Variants in CFAP69 observed in about 807,000 individuals in gnomAD.
CFAP69 encodes the protein cilia and flagella associated protein 69, also known as cilia- and flagella-associated protein 69.
CFAP69 carries 92 observed loss-of-function variants against 123.0 expected under a neutral mutation model. The observed-to-expected ratio is 0.75, with a 90% CI of 0.63 to 0.89. The LOEUF is 0.89. Among genes scored for constraint, CFAP69 ranks in the 40% least tolerant of loss-of-function variants. The pLI, the probability that CFAP69 is intolerant of heterozygous loss-of-function variation, is 0.00. For synonymous variants in CFAP69, 380 were observed against 364.3 expected, an observed-to-expected ratio of 1.04 and a Z score of -0.49; for missense variants, 1,067 against 1,096.9, an observed-to-expected ratio of 0.97 and a Z score of 0.39.
chr7:90,255,319 AT>A, intron 1 of CFAP69, 103 bp from the exon 2 acceptor site: 1 of 875,486 alleles, frequency 1.1e-6, no homozygotes. Flanking sequence ...GTCATAAAAC[AT>A]TTTTTAAGTT....
At chr7:90,306,872 T>C (rs1793667515) in intron 19 of CFAP69, 29 bp from the exon 20 acceptor site, 7 of 1,334,424 alleles carry the variant, frequency 5.2e-6, no homozygotes, top group African/African-American at 3.0e-5. Flanking sequence ...TTTTGGTTAA[T>C]TTAACTTTGT....
chr7:90,304,189 A>G, intron 18 of CFAP69, 83 bp downstream of exon 18: 1 of 1,417,242 alleles, frequency 7.1e-7, no homozygotes. Flanking sequence ...TTTTTCAAAT[A>G]TAATGAGCAA....
chr7:90,300,432 G>C (rs971492971), intron 17 of CFAP69: 4 of 848,150 alleles, frequency 4.7e-6, no homozygotes, highest in Non-Finnish European at 5.7e-6. Flanking sequence ...ATACATTTCT[G>C]TTCATTTTTC....
intron 3 of CFAP69, among the ~76,000 whole-genome samples, chr7:90,260,951 C>T (rs1798239272): frequency 2.0e-5 from 3 of 152,176 alleles, no homozygotes; most frequent in Admixed American, 1.3e-4. Context: ...ACCCTGCTCT[C>T]CCATCTTTTC....
At chr7:90,276,312 T>A (rs1788601288) in intron 9 of CFAP69, among the ~76,000 whole-genome samples, 1 of 152,246 alleles carries the variant, frequency 6.6e-6, no homozygotes, top group African/African-American at 2.4e-5. Flanking sequence ...GGTAGACCTT[T>A]GTTTCTCTAG....
chr7:90,245,212 C>A lies in CFAP69; in HGVS notation c.-213C>A. 3 of 505,442 alleles carry A rather than the reference C, an allele frequency of 5.9e-6. No individual in the cohort carries two copies. Among genetic ancestry groups the A allele is most frequent in the Non-Finnish European group, 9.6e-6 (3 of 314,018 alleles). 31.3% of individuals were successfully genotyped at this position (505,442 alleles called of 1,614,324 possible). ...CTTGTGTTAACAACCGGCCCGGGATCAGAGGTCTGGGTCAACTGGGGGGCG... is the reference window on the plus strand; with the variant it reads ...CTTGTGTTAACAACCGGCCCGGGATAAGAGGTCTGGGTCAACTGGGGGGCG... On this transcript the variant is annotated 5_prime_UTR_variant, in exon 1 of 23. Coordinates refer to ENST00000389297, the MANE Select transcript of CFAP69 (RefSeq NM_001039706.3).
chr7:90,254,050 C>G (rs1195611280), intron 1 of CFAP69, among the ~76,000 whole-genome samples: 1 of 152,174 alleles, frequency 6.6e-6, no homozygotes, highest in African/African-American at 2.4e-5. Context: ...CATTCTTCTG[C>G]ATATGTCTGT....
Position 90,303,953 on chromosome 7 carries a change from G to T in CFAP69, c.2051-16G>T. ...TTATCTGTCCCTTTTCTATTTTCAT[G>T]CTATCCAATGATTAGATACAAAAAA... On this transcript the variant is annotated splice_polypyrimidine_tract_variant and intron_variant, in intron 17 of 22. Coordinates refer to ENST00000389297, the MANE Select transcript of CFAP69 (RefSeq NM_001039706.3). 1.3e-6 allele frequency: 2 copies of T among 1,534,634 alleles called. No homozygotes were observed. The highest frequency in any genetic ancestry group is 1.8e-6 in the Non-Finnish European group (2 of 1,138,616).
At chr7:90,294,928 A>G (rs1352538193) in intron 15 of CFAP69, among the ~76,000 whole-genome samples, 1 of 152,190 alleles carries the variant, frequency 6.6e-6, no homozygotes, top group Non-Finnish European at 1.5e-5. Context: ...TGCTTTTGGC[A>G]GTGTGGGGAA....
At chr7:90,279,329 G>A (rs369191833) in intron 11 of CFAP69, among the ~76,000 whole-genome samples, 5 of 151,906 alleles carry the variant, frequency 3.3e-5, no homozygotes, top group South Asian at 2.1e-4. Context: ...TTTATTGTAC[G>A]TTAAAGTAAA....
intron 4 of CFAP69, among the ~76,000 whole-genome samples, chr7:90,264,102 AAAATATAT>A (rs1301282600): frequency 2.7e-4 from 9 of 33,822 alleles, no homozygotes; most frequent in South Asian, 9.5e-4. Flanking sequence ...AAAAAAAAAA[AAAATATAT>A]ATATATATAT....
At chr7:90,319,870 T>C in the CFAP69 span, 1 of 397,252 alleles carries the variant, frequency 2.5e-6, no homozygotes. Flanking sequence ...ATCTGCTTAC[T>C]AGGTATTCAT....
chr7:90,323,597 T>A, the CFAP69 span, among the ~76,000 whole-genome samples: 4 of 151,970 alleles, frequency 2.6e-5, no homozygotes, highest in East Asian at 7.7e-4. Flanking sequence ...AAATAAAAAA[T>A]TAATTGAGAA....
chr7:90,261,576 G>A (rs1010307820), intron 3 of CFAP69, among the ~76,000 whole-genome samples: 8 of 152,126 alleles, frequency 5.3e-5, no homozygotes, highest in Non-Finnish European at 7.4e-5. Flanking sequence ...GGCAGGGGTA[G>A]GGGGTGAAGA....
intron 3 of CFAP69, among the ~76,000 whole-genome samples, chr7:90,261,741 T>TA (rs1293995460): frequency 6.6e-6 from 1 of 152,144 alleles, no homozygotes; most frequent in Non-Finnish European, 1.5e-5. Context: ...AGTAGGCATT[T>TA]ACTGAGGCAA....
intron 5 of CFAP69, among the ~76,000 whole-genome samples, chr7:90,267,284 C>T (rs778436746): frequency 8.5e-5 from 13 of 152,154 alleles, no homozygotes; most frequent in Non-Finnish European, 1.8e-4. Context: ...CTTGCCACCC[C>T]ACTTGCTGAC....
intron 8 of CFAP69, 22 bp downstream of exon 8, chr7:90,271,980 G>A: frequency 6.3e-7 from 1 of 1,577,368 alleles, no homozygotes; most frequent in Non-Finnish European, 8.6e-7. Flanking sequence ...TGGTTAGATA[G>A]GAATGTTCTT....
Position 90,309,315 on chromosome 7 carries a change from G to A in CFAP69, c.2603G>A (p.Arg868Gln), listed in dbSNP as rs1378719540. The change falls in exon 22 of 23, where the codon CGA (arginine) becomes CAA (glutamine). Residue 868 changes from arginine to glutamine, a missense_variant. By Grantham distance (43) the Arg-to-Gln change is conservative. Transcript: ENST00000389297. Reference protein sequence around the residue: ...KAIEASRYHKRPQNAIFHQTH... With the variant: ...KAIEASRYHKQPQNAIFHQTH... ...ATAGAAGCCTCCAGATACCATAAACGACCACAAAATGCAATATTTCACCAA... is the reference window on the plus strand; with the variant it reads ...ATAGAAGCCTCCAGATACCATAAACAACCACAAAATGCAATATTTCACCAA... 3 of 1,588,694 alleles carry A rather than the reference G, an allele frequency of 1.9e-6. No individual in the cohort carries two copies. The highest frequency in any genetic ancestry group is 1.7e-4 in the Middle Eastern group (1 of 5,962).
chr7:90,315,286 C>T (rs189057471), downstream of CFAP69, among the ~76,000 whole-genome samples: 11 of 152,144 alleles, frequency 7.2e-5, no homozygotes, highest in East Asian at 1.5e-3. Context: ...ATCATTCTAC[C>T]GTAAAGACAC....
Sources: gnomAD v4.1 joint callset for allele counts (sites outside exome capture counted in the v4.1 genomes callset) on GRCh38, gnomAD v4.1.1 for gene constraint, MANE v1.5 for transcripts, NCBI Gene and HGNC (gene_info 2026-07-23, HGNC 2026-07-21) for gene names.